The following TENM3 variants were observed in gnomAD, a reference collection of about 807,000 sequenced individuals.
TENM3 encodes teneurin-3.
TENM3 carries 63 observed loss-of-function variants against 255.1 expected under a neutral mutation model. The observed-to-expected ratio is 0.25, with a 90% CI of 0.20 to 0.30. The LOEUF (loss-of-function observed/expected upper bound fraction) is 0.30, where lower values mean the gene tolerates loss of function less well. TENM3 is among the 10% of genes least tolerant of loss of function. The probability of loss-of-function intolerance (pLI) is 1.00; values close to 1 mark genes in which losing one functional copy is unlikely to be tolerated. For missense variants in TENM3, 2,929 were observed against 3,461.1 expected, an observed-to-expected ratio of 0.85 and a Z score of 3.86; for synonymous variants, 1,306 against 1,322.3, an observed-to-expected ratio of 0.99 and a Z score of 0.27.
intron 1 of TENM3, among the ~76,000 whole-genome samples, chr4:182,295,774 G>A (rs1254547985): frequency 6.6e-6 from 1 of 151,944 alleles, no homozygotes; most frequent in Non-Finnish European, 1.5e-5. Context: ...TTAATGTTTT[G>A]CTTCATGGAA....
chr4:181,685,192 A>G, the TENM3 span, among the ~76,000 whole-genome samples: 1 of 152,134 alleles, frequency 6.6e-6, no homozygotes, highest in Non-Finnish European at 1.5e-5. Context: ...AGAATTCATT[A>G]TTCCTTCACC....
chr4:181,849,982 CACACAG>C, the TENM3 span, among the ~76,000 whole-genome samples: 1,648 of 149,260 alleles, frequency 0.011, 29 homozygotes, highest in African/African-American at 0.026. Context: ...CACACACACA[CACACAG>C]AGTCTTCCTC....
At chr4:182,729,871 C>T (rs1760549633) in intron 14 of TENM3, among the ~76,000 whole-genome samples, 1 of 152,144 alleles carries the variant, frequency 6.6e-6, no homozygotes. Flanking sequence ...TACTTTTCTT[C>T]ATGTGAGCAC....
At chr4:181,591,095 G>T in the TENM3 span, among the ~76,000 whole-genome samples, 1 of 152,160 alleles carries the variant, frequency 6.6e-6, no homozygotes, top group Admixed American at 6.5e-5. Flanking sequence ...AAACATGTTG[G>T]AACACCAAAG....
chr4:181,841,285 TTC>T, the TENM3 span, among the ~76,000 whole-genome samples: 1 of 152,142 alleles, frequency 6.6e-6, no homozygotes, highest in Non-Finnish European at 1.5e-5. Context: ...GTAATTTATA[TTC>T]TCTCTTATTT....
rs1514474 is a variant in TENM3 at position 182,515,155 on chromosome 4, G to T, written c.512-85769G>T. 9.7e-4 allele frequency among the ~76,000 whole-genome samples: 147 copies of T among 152,290 alleles called. 1 individual carries two copies. The highest frequency in any genetic ancestry group is 3.3e-3 in the African/African-American group (136 of 41,558). ...TCTGGGGGAGAATAGGTTGCAATGG[G>T]TGGGAAAAATGAATCGGAAGTGAGG... is the stretch of plus-strand genomic sequence containing the variant. On this transcript the variant is annotated intron_variant, in intron 3 of 27. Transcript: ENST00000511685.
At chr4:181,726,853 C>T in the TENM3 span, among the ~76,000 whole-genome samples, 6 of 152,198 alleles carry the variant, frequency 3.9e-5, no homozygotes, top group Non-Finnish European at 8.8e-5. Context: ...GACCAACCGG[C>T]TAAAATTGCA....
chr4:181,979,806 C>T, the TENM3 span, among the ~76,000 whole-genome samples: 1 of 152,210 alleles, frequency 6.6e-6, no homozygotes, highest in African/African-American at 2.4e-5. Context: ...ATGACAACCC[C>T]AGATTCAAAC....
chr4:182,454,201 C>T (rs1773697395), intron 3 of TENM3, among the ~76,000 whole-genome samples: 1 of 152,122 alleles, frequency 6.6e-6, no homozygotes, highest in Non-Finnish European at 1.5e-5. Flanking sequence ...ATGACAGCCA[C>T]CCCTGCTTGT....
the TENM3 span, among the ~76,000 whole-genome samples, chr4:181,829,132 T>C: frequency 6.6e-6 from 1 of 152,180 alleles, no homozygotes; most frequent in Non-Finnish European, 1.5e-5. Context: ...GTGGTGACTT[T>C]TTGCTTCACC....
the TENM3 span, among the ~76,000 whole-genome samples, chr4:181,802,553 C>G: frequency 7.2e-5 from 11 of 152,268 alleles, no homozygotes; most frequent in African/African-American, 2.6e-4. Context: ...AAGCAAATTT[C>G]AAATTTTCTG....
the TENM3 span, among the ~76,000 whole-genome samples, chr4:181,809,776 T>C: frequency 6.6e-6 from 1 of 152,046 alleles, no homozygotes; most frequent in Non-Finnish European, 1.5e-5. Context: ...AGGGTCCTTA[T>C]AAGCAGGAAG....
intron 3 of TENM3, among the ~76,000 whole-genome samples, chr4:182,393,353 G>A (rs1580396518): frequency 6.6e-6 from 1 of 152,088 alleles, no homozygotes; most frequent in Non-Finnish European, 1.5e-5. Flanking sequence ...CTTTTCACCC[G>A]CCATAATATA....
intron 1 of TENM3, among the ~76,000 whole-genome samples, chr4:182,282,766 G>A (rs1022866601): frequency 9.2e-5 from 14 of 151,848 alleles, no homozygotes; most frequent in Admixed American, 3.9e-4. Flanking sequence ...GGTGGCACGC[G>A]CCTGTAATCC....
At chr4:182,473,915 G>T (rs1733411722) in intron 3 of TENM3, among the ~76,000 whole-genome samples, 1 of 152,038 alleles carries the variant, frequency 6.6e-6, no homozygotes, top group African/African-American at 2.4e-5. Flanking sequence ...CTATGATTGT[G>T]CCACTGCACT....
At chr4:182,332,293 T>G (rs1004511267) in intron 2 of TENM3, among the ~76,000 whole-genome samples, 1 of 152,218 alleles carries the variant, frequency 6.6e-6, no homozygotes, top group African/African-American at 2.4e-5. Flanking sequence ...ATGAAAATTC[T>G]ACTTCCAAAA....
chr4:181,815,462 C>CAAAAAAAAAA, the TENM3 span, among the ~76,000 whole-genome samples: 708 of 81,942 alleles, frequency 8.6e-3, 28 homozygotes, highest in African/African-American at 0.027. Flanking sequence ...GACTCCCTAT[C>CAAAAAAAAAA]AAAAAAAAAA....
At chr4:181,924,422 A>T in the TENM3 span, among the ~76,000 whole-genome samples, 1 of 152,138 alleles carries the variant, frequency 6.6e-6, no homozygotes, top group Non-Finnish European at 1.5e-5. Flanking sequence ...GCAGGGTGAA[A>T]TCTCAGACCT....
upstream of TENM3, among the ~76,000 whole-genome samples, chr4:182,139,140 A>G (rs942938970): frequency 1.3e-5 from 2 of 152,240 alleles, no homozygotes; most frequent in African/African-American, 4.8e-5. Context: ...CTACACTCCA[A>G]GAGTGCTCAG....
Sources: gnomAD v4.1 joint callset for allele counts (sites outside exome capture counted in the v4.1 genomes callset) on GRCh38, gnomAD v4.1.1 for gene constraint, MANE v1.5 for transcripts, NCBI Gene and HGNC (gene_info 2026-07-23, HGNC 2026-07-21) for gene names.